The following TLN2 variants were observed in gnomAD, a reference collection of about 807,000 sequenced individuals.
The protein encoded by TLN2 is talin-2.
In TLN2, 118 loss-of-function variants were observed where a neutral mutation model predicts 294.7. That is an observed-to-expected ratio of 0.40 (90% CI 0.34 to 0.47). TLN2 has a LOEUF of 0.47. Among genes scored for constraint, TLN2 ranks in the 20% least tolerant of loss-of-function variants. TLN2 has a pLI of 0.84. For synonymous variants in TLN2, 1,431 were observed against 1,304.5 expected (o/e 1.10, Z -2.09); for missense variants, 3,083 against 3,282.2 (o/e 0.94, Z 1.48).
At chr15:62,614,204 AC>A (rs2048135488) in intron 2 of TLN2, among the ~76,000 whole-genome samples, 1 of 152,236 alleles carries the variant, frequency 6.6e-6, no homozygotes, top group African/African-American at 2.4e-5. Context: ...CTGCTGTAGC[AC>A]AGAATTCATC....
chr15:62,441,244 A>G (rs1290431532), intron 1 of TLN2, among the ~76,000 whole-genome samples: 1 of 152,110 alleles, frequency 6.6e-6, no homozygotes, highest in Non-Finnish European at 1.5e-5. Flanking sequence ...CTTATCTAAT[A>G]TTTTTGAGAC....
intron 52 of TLN2, among the ~76,000 whole-genome samples, chr15:62,816,576 C>T (rs1009671456): frequency 6.6e-6 from 1 of 152,156 alleles, no homozygotes; most frequent in Non-Finnish European, 1.5e-5. Flanking sequence ...CACTGAAGGC[C>T]CTCCTTTTAG....
Position 62,805,505 on chromosome 15 carries a change from TTTTCA to T in TLN2, c.6478-94_6478-90del, listed in dbSNP as rs572210713. Reference sequence around the variant, plus strand: ...CAGTTTCTTCCAGTTACTGGCTCAGTTTTCAGACACAAGCTACAGCCTGGTTGGAG... The same window carrying T: ...CAGTTTCTTCCAGTTACTGGCTCAGTGACACAAGCTACAGCCTGGTTGGAG... On this transcript the variant is annotated intron_variant, in intron 50 of 58. Transcript: ENST00000636159. The T allele has an allele frequency of 1.4e-3, 1,891 of 1,343,894 alleles. 4 individuals carry two copies. The highest frequency in any genetic ancestry group is 3.3e-3 in the Admixed American group (119 of 36,124). 83.2% of individuals were successfully genotyped at this position (1,343,894 alleles called of 1,614,324 possible).
At chr15:62,492,523 G>A (rs529751585) in intron 1 of TLN2, among the ~76,000 whole-genome samples, 1 of 134,246 alleles carries the variant, frequency 7.4e-6, no homozygotes, top group African/African-American at 2.9e-5. Flanking sequence ...GCCCCTGGGC[G>A]ACAGAGCGAG....
intron 1 of TLN2, among the ~76,000 whole-genome samples, chr15:62,515,753 T>C (rs2040156615): frequency 6.6e-6 from 1 of 152,070 alleles, no homozygotes; most frequent in South Asian, 2.1e-4. Flanking sequence ...TTCAGACGTG[T>C]GTTTTTATAT....
chr15:62,672,059 C>T lies in TLN2; in HGVS notation c.789-1768C>T, dbSNP rs117175258. ...TCATTGGGTTTAGATGTTATCAAATCCATCAATCTATTAAAAAGTTCCCGA... is the reference window on the plus strand; with the variant it reads ...TCATTGGGTTTAGATGTTATCAAATTCATCAATCTATTAAAAAGTTCCCGA... On this transcript the variant is annotated intron_variant, in intron 9 of 58. Transcript: ENST00000636159. 7.2e-3 allele frequency among the ~76,000 whole-genome samples: 1,090 copies of T among 152,238 alleles called. 9 individuals carry two copies. Among genetic ancestry groups the T allele is most frequent in the Middle Eastern group, 0.024 (7 of 294 alleles).
At position 62,652,104 on chromosome 15, in the gene TLN2, G is replaced by C. The variant is rs1338468482; in HGVS notation, c.334G>C (p.Glu112Gln). ...GGTGGATGATTCCAAGACTGTGGGGGAGCTCCTGGTCACTATTTGTAGCAG... is the reference window on the plus strand; with the variant it reads ...GGTGGATGATTCCAAGACTGTGGGGCAGCTCCTGGTCACTATTTGTAGCAG... ...VMVDDSKTVG[E>Q]LLVTICSRIG... Residue 112 changes from glutamate (E) to glutamine (Q), a missense_variant, in exon 6 of 59, where the codon GAG becomes CAG. Transcript: ENST00000636159. 6.2e-7 allele frequency: 1 copy of C among 1,607,140 alleles called. No individual in the cohort carries two copies. Among genetic ancestry groups the C allele is most frequent in the Admixed American group, 1.7e-5 (1 of 59,468 alleles).
At chr15:62,834,766 T>C (rs1487360124) in intron 55 of TLN2, 9 of 149,434 alleles carry the variant, frequency 6.0e-5, no homozygotes, top group East Asian at 5.9e-4. Flanking sequence ...AGATGACAGA[T>C]GTGTCATTGA....
intron 3 of TLN2, among the ~76,000 whole-genome samples, chr15:62,632,202 T>C (rs1260405181): frequency 6.6e-6 from 1 of 152,232 alleles, no homozygotes; most frequent in African/African-American, 2.4e-5. Flanking sequence ...CTAGTGCCCC[T>C]GTGGGGCGTG....
chr15:62,661,268 T>TGTTA (rs1445588321), intron 9 of TLN2, among the ~76,000 whole-genome samples: 2 of 152,154 alleles, frequency 1.3e-5, no homozygotes, highest in African/African-American at 2.4e-5. Flanking sequence ...AGATATAGAA[T>TGTTA]GTTAGTACAC....
At chr15:62,799,000 C>T (rs2065729471) in intron 48 of TLN2, among the ~76,000 whole-genome samples, 2 of 152,098 alleles carry the variant, frequency 1.3e-5, no homozygotes, top group Non-Finnish European at 2.9e-5. Context: ...TGCAGTGAGC[C>T]GAGATCACGC....
chr15:62,394,858 A>G (rs757755383), intron 1 of TLN2, among the ~76,000 whole-genome samples: 5 of 152,112 alleles, frequency 3.3e-5, no homozygotes, highest in East Asian at 1.9e-4. Context: ...GAGTCTTTAT[A>G]TGTCACCCAG....
intron 32 of TLN2, among the ~76,000 whole-genome samples, chr15:62,747,807 T>C (rs958038982): frequency 6.6e-6 from 1 of 152,228 alleles, no homozygotes; most frequent in Non-Finnish European, 1.5e-5. Flanking sequence ...AGTTTGTATG[T>C]TGTATGTTAA....
chr15:62,469,341 A>T (rs1009899484), intron 1 of TLN2, among the ~76,000 whole-genome samples: 4 of 152,366 alleles, frequency 2.6e-5, no homozygotes, highest in African/African-American at 9.6e-5. Context: ...ATCAGAAGAC[A>T]AAGTGTGTGA....
At chr15:62,770,259 G>C (rs552242678) in intron 41 of TLN2, among the ~76,000 whole-genome samples, 6 of 152,336 alleles carry the variant, frequency 3.9e-5, no homozygotes, top group African/African-American at 1.4e-4. Context: ...AGAGAGCCTG[G>C]CATAGGGGGT....
chr15:62,596,972 A>T (rs1159517147), intron 2 of TLN2, among the ~76,000 whole-genome samples: 2 of 151,908 alleles, frequency 1.3e-5, no homozygotes, highest in African/African-American at 4.8e-5. Flanking sequence ...TCAGCTCCTC[A>T]CTTTGTCAAT....
chr15:62,627,058 C>T (rs1020066839), intron 3 of TLN2, among the ~76,000 whole-genome samples: 2 of 152,208 alleles, frequency 1.3e-5, no homozygotes, highest in African/African-American at 4.8e-5. Flanking sequence ...AAGGTAAGTG[C>T]TCATGATAAA....
intron 1 of TLN2, among the ~76,000 whole-genome samples, chr15:62,504,818 G>GGTGTGTGTGTGTGTGTGTGTGT (rs377405417): frequency 1.4e-5 from 2 of 143,622 alleles, no homozygotes; most frequent in South Asian, 2.4e-4. Flanking sequence ...TAGTTGGTGG[G>GGTGTGTGTGTGTGTGTGTGTGT]GTGTGTGTGT....
At chr15:62,680,001 T>C (rs1367527466) in intron 11 of TLN2, among the ~76,000 whole-genome samples, 1 of 152,256 alleles carries the variant, frequency 6.6e-6, no homozygotes, top group East Asian at 1.9e-4. Flanking sequence ...TATATGGGTC[T>C]ATTTCTGGGT....
Sources: allele counts gnomAD v4.1 joint callset (sites outside exome capture counted in the v4.1 genomes callset), GRCh38; gene constraint gnomAD v4.1.1; transcripts MANE v1.5; gene names NCBI Gene and HGNC (gene_info 2026-07-23, HGNC 2026-07-21).